The following IL1RAPL2 variants were observed in gnomAD, a reference collection of about 807,000 sequenced individuals.
IL1RAPL2 encodes the protein interleukin 1 receptor accessory protein like 2.
Under a neutral mutation model 44.1 loss-of-function variants are expected in IL1RAPL2, and 3 were observed. That is an observed-to-expected ratio of 0.07 (90% confidence interval 0.03 to 0.18). IL1RAPL2 has a LOEUF of 0.18. Among genes scored for constraint, IL1RAPL2 ranks in the 10% least tolerant of loss-of-function variants. IL1RAPL2 has a pLI of 1.00. For synonymous variants in IL1RAPL2, 181 were observed against 178.8 expected (o/e 1.01, Z -0.10); for missense variants, 391 against 496.4 (o/e 0.79, Z 2.02).
At chrX:105,169,267 A>C (rs1398409006) in intron 2 of IL1RAPL2, among the ~76,000 whole-genome samples, 1 of 110,510 alleles carries the variant, frequency 9.0e-6, no homozygotes, top group Non-Finnish European at 1.9e-5. Flanking sequence ...CAATTTATTC[A>C]GCAGGTTTGT....
intron 2 of IL1RAPL2, among the ~76,000 whole-genome samples, chrX:104,882,951 G>A (rs770577765): frequency 1.6e-4 from 18 of 111,236 alleles, no homozygotes; most frequent in South Asian, 3.9e-4. Context: ...GAAGGTCTGC[G>A]GCTTCACTCC....
At chrX:105,237,990 G>A (rs996687848) in intron 4 of IL1RAPL2, among the ~76,000 whole-genome samples, 1 of 112,475 alleles carries the variant, frequency 8.9e-6, no homozygotes, top group African/African-American at 3.2e-5. Context: ...AAGATTAATT[G>A]AGCAAAGAGT....
intron 6 of IL1RAPL2, among the ~76,000 whole-genome samples, chrX:105,702,363 G>A (rs1030549262): frequency 9.0e-6 from 1 of 111,308 alleles, no homozygotes; most frequent in Non-Finnish European, 1.9e-5. Flanking sequence ...TCTTCATGGG[G>A]AAAATTAAAG....
chrX:104,813,573 G>GT (rs1018272440), intron 2 of IL1RAPL2, among the ~76,000 whole-genome samples: 5 of 111,644 alleles, frequency 4.5e-5, no homozygotes, highest in East Asian at 2.8e-4. Context: ...TATATGCCGA[G>GT]TTTTTTGTGC....
chrX:104,898,529 A>T lies in IL1RAPL2; in HGVS notation c.82+239534A>T, dbSNP rs183942953. ...AAGGCTGGGGTTAACCTTTTTCTGC[A>T]TTTCTGCATTGCATGGCTGTCCTGC... On this transcript the variant is annotated intron_variant, in intron 2 of 10. Coordinates refer to ENST00000372582, the MANE Select transcript of IL1RAPL2 (RefSeq NM_017416.2). Among the ~76,000 whole-genome samples the T allele has an allele frequency of 7.1e-5, 8 of 112,881 alleles. No individual in the cohort carries two copies. The East Asian group carries it at 2.2e-3, about 31-fold the overall frequency.
rs766381334 is a variant in IL1RAPL2 at position 104,888,502 on chromosome X, G to A, written c.82+229507G>A. Among the ~76,000 whole-genome samples, 8 of 111,222 alleles carry A rather than the reference G, an allele frequency of 7.2e-5. No homozygotes were observed. The East Asian group carries it at 2.3e-3, about 32-fold the overall frequency. Reference sequence around the variant, plus strand: ...GGATAAAATGATCTCATCTTCCAGAGCACCAGTTTTACCTTCCTATTTACT... The same window carrying A: ...GGATAAAATGATCTCATCTTCCAGAACACCAGTTTTACCTTCCTATTTACT... On this transcript the variant is annotated intron_variant, in intron 2 of 10. Coordinates refer to ENST00000372582, the MANE Select transcript of IL1RAPL2 (RefSeq NM_017416.2).
At chrX:104,987,603 G>A (rs1224539167) in intron 2 of IL1RAPL2, among the ~76,000 whole-genome samples, 3 of 109,958 alleles carry the variant, frequency 2.7e-5, no homozygotes, top group African/African-American at 9.9e-5. Flanking sequence ...AAATTTTCAG[G>A]CACTCTTTAT....
intron 2 of IL1RAPL2, among the ~76,000 whole-genome samples, chrX:105,036,686 G>C (rs1238268123): frequency 1.8e-5 from 2 of 111,948 alleles, no homozygotes; most frequent in African/African-American, 6.5e-5. Context: ...GAGTCTCTTG[G>C]TGTCAATAAC....
chrX:105,531,746 T>C (rs2036637816), intron 6 of IL1RAPL2, among the ~76,000 whole-genome samples: 2 of 111,476 alleles, frequency 1.8e-5, no homozygotes, highest in Admixed American at 1.9e-4. Context: ...TGGTGACAGA[T>C]AGGGATCTAA....
intron 5 of IL1RAPL2, among the ~76,000 whole-genome samples, chrX:105,277,311 C>G (rs1285318723): frequency 8.9e-6 from 1 of 112,339 alleles, no homozygotes; most frequent in Non-Finnish European, 1.9e-5. Flanking sequence ...ATTAAGGGAA[C>G]ATTCACATGA....
chrX:104,757,256 A>G (rs1276707174), intron 2 of IL1RAPL2, among the ~76,000 whole-genome samples: 1 of 111,747 alleles, frequency 8.9e-6, no homozygotes, highest in African/African-American at 3.2e-5. Context: ...AGAGAACAAA[A>G]GGAATCAAAG....
intron 2 of IL1RAPL2, among the ~76,000 whole-genome samples, chrX:104,775,386 G>T (rs1255516061): frequency 2.7e-5 from 3 of 112,044 alleles, no homozygotes; most frequent in Admixed American, 1.9e-4. Flanking sequence ...CATAAAAATA[G>T]TAATAGGGAA....
chrX:104,601,120 T>C lies in IL1RAPL2; in HGVS notation c.-20+34069T>C, dbSNP rs191423912. Among the ~76,000 whole-genome samples the C allele has an allele frequency of 2.1e-3, 234 of 112,020 alleles. 2 individuals carry two copies. Among genetic ancestry groups the C allele is most frequent in the Middle Eastern group, 9.3e-3 (2 of 216 alleles). On this transcript the variant is annotated intron_variant, in intron 1 of 10. Transcript: ENST00000372582. Reference sequence around the variant, plus strand: ...ATATTTAGATATGATATGCAAACCATGGAGCAATTTTCTTTTTTTTTATTA... The same window carrying C: ...ATATTTAGATATGATATGCAAACCACGGAGCAATTTTCTTTTTTTTTATTA...
At chrX:104,934,472 C>T (rs762595833) in intron 2 of IL1RAPL2, among the ~76,000 whole-genome samples, 2 of 111,315 alleles carry the variant, frequency 1.8e-5, no homozygotes, top group East Asian at 5.6e-4. Flanking sequence ...ACAGAATTGA[C>T]AATGCTGAAA....
chrX:104,647,395 C>G (rs1348260132), intron 1 of IL1RAPL2: 2 of 562,032 alleles, frequency 3.6e-6, no homozygotes, highest in Non-Finnish European at 6.3e-6. Context: ...GCTGCTCAGC[C>G]TTTTCCACCA....
chrX:105,615,269 G>T (rs1196791740), intron 6 of IL1RAPL2, among the ~76,000 whole-genome samples: 1 of 101,300 alleles, frequency 9.9e-6, no homozygotes, highest in Non-Finnish European at 2.2e-5. Flanking sequence ...AGAACAGTTT[G>T]GGGGTTTCTC....
chrX:105,648,870 G>A (rs925270977), intron 6 of IL1RAPL2, among the ~76,000 whole-genome samples: 6 of 111,426 alleles, frequency 5.4e-5, no homozygotes, highest in Non-Finnish European at 1.1e-4. Flanking sequence ...AAGGTTACCA[G>A]TGCACTCAAT....
chrX:105,040,092 G>C (rs1458734763), intron 2 of IL1RAPL2, among the ~76,000 whole-genome samples: 8 of 110,982 alleles, frequency 7.2e-5, no homozygotes, highest in African/African-American at 9.9e-5. Context: ...TAGCATGAAG[G>C]GTTGTTGAAT....
chrX:104,871,155 T>A (rs962777), intron 2 of IL1RAPL2, among the ~76,000 whole-genome samples: 39,710 of 110,651 alleles, frequency 0.36, 5,740 homozygotes, highest in East Asian at 0.46. Context: ...AAAGATCCCC[T>A]GAAAAAGTAT....
Sources: allele counts gnomAD v4.1 joint callset (sites outside exome capture counted in the v4.1 genomes callset), GRCh38; gene constraint gnomAD v4.1.1; transcripts MANE v1.5; gene names NCBI Gene and HGNC (gene_info 2026-07-23, HGNC 2026-07-21).